The following TCEAL1 variants were observed in gnomAD, a reference collection of about 807,000 sequenced individuals.
TCEAL1 encodes transcription elongation factor A like 1.
For synonymous variants in TCEAL1, 48 were observed against 46.0 expected, an observed-to-expected ratio of 1.04 and a Z score of -0.17; for missense variants, 82 against 125.9, an observed-to-expected ratio of 0.65 and a Z score of 1.67.
chrX:103,629,901 G>A lies in TCEAL1; in HGVS notation c.-16G>A. 8.9e-7 allele frequency: 1 copy of A among 1,123,501 alleles called. No homozygotes were observed. The highest frequency in any genetic ancestry group is 1.2e-6 in the Non-Finnish European group (1 of 853,007). 92.6% of individuals were successfully genotyped at this position (1,123,501 alleles called of 1,213,427 possible). The stretch of plus-strand genomic sequence containing the variant: ...TCTCCTAAGAATAACTGTGCTTGAA[G>A]AAGAAAATTCCCAACATGGACAAAC... On this transcript the variant is annotated 5_prime_UTR_variant, in exon 3 of 3. Coordinates refer to ENST00000372625, the MANE Select transcript of TCEAL1 (RefSeq NM_004780.3).
chrX:103,629,513 G>A lies in TCEAL1; in HGVS notation c.-93G>A. Reference sequence around the variant, plus strand: ...GTGCAGGTCTGCTGGTCACAGCGGGGCACCTCGAGGAGAGGACGACTAGGA... The same window carrying A: ...GTGCAGGTCTGCTGGTCACAGCGGGACACCTCGAGGAGAGGACGACTAGGA... On this transcript the variant is annotated 5_prime_UTR_variant, in exon 2 of 3. Coordinates refer to ENST00000372625, the MANE Select transcript of TCEAL1 (RefSeq NM_004780.3). 1 of 132,024 alleles carries A rather than the reference G, an allele frequency of 7.6e-6. No homozygotes were observed. Among genetic ancestry groups the A allele is most frequent in the Non-Finnish European group, 1.5e-5 (1 of 64,609 alleles). The allele number at this position is 132,024 out of a possible 1,213,427, so 10.9% of individuals were successfully genotyped here. A position where few individuals can be genotyped will look rare whatever the true frequency, so the allele number is the denominator to read the frequency against.
In TCEAL1 at chrX:103,630,482, T is replaced by G; in HGVS notation, c.*86T>G. The G allele has an allele frequency of 1.0e-6, 1 of 997,540 alleles. No individual in the cohort carries two copies. The highest frequency in any genetic ancestry group is 1.3e-6 in the Non-Finnish European group (1 of 756,383). The allele number at this position is 997,540 out of a possible 1,213,427, so 82.2% of individuals were successfully genotyped here. On this transcript the variant is annotated 3_prime_UTR_variant, in exon 3 of 3. Transcript: ENST00000372625. ...TCTGTTTGCATTTTCTTAATGCCTTTTCCCATATTCTGAATTTTAACTTTT... is the reference window on the plus strand; with the variant it reads ...TCTGTTTGCATTTTCTTAATGCCTTGTCCCATATTCTGAATTTTAACTTTT...
chrX:103,629,352 G>C (rs1440270784), intron 1 of TCEAL1, 142 bp from the exon 2 acceptor site: 3 of 111,683 alleles, frequency 2.7e-5, no homozygotes, highest in African/African-American at 6.5e-5. Context: ...TGACGCAGGG[G>C]CTGAGACGAA....
Position 103,629,869 on chromosome X carries a change from T to C in TCEAL1, c.-32-16T>C. The C allele has an allele frequency of 1.8e-6, 2 of 1,103,348 alleles. No individual in the cohort carries two copies. The highest frequency in any genetic ancestry group is 2.4e-6 in the Non-Finnish European group (2 of 843,210). The allele number at this position is 1,103,348 out of a possible 1,213,427, so 90.9% of individuals were successfully genotyped here. On this transcript the variant is annotated splice_polypyrimidine_tract_variant and intron_variant, in intron 2 of 2. Coordinates refer to ENST00000372625, the MANE Select transcript of TCEAL1 (RefSeq NM_004780.3). ...CTTAGTATTCTGACTCTATTCTGCCTTTCTTGTCTCCTAAGAATAACTGTG... is the reference window on the plus strand; with the variant it reads ...CTTAGTATTCTGACTCTATTCTGCCCTTCTTGTCTCCTAAGAATAACTGTG...
intron 1 of TCEAL1, among the ~76,000 whole-genome samples, 169 bp from the exon 2 acceptor site, chrX:103,629,325 G>A (rs1253689474): frequency 1.8e-5 from 2 of 111,677 alleles, no homozygotes; most frequent in Non-Finnish European, 3.8e-5. Flanking sequence ...GGAGGTGGGA[G>A]CACGGAGGAC....
At chrX:103,629,711 G>A in intron 2 of TCEAL1, 138 bp downstream of exon 2, 1 of 415,015 alleles carries the variant, frequency 2.4e-6, no homozygotes, top group Non-Finnish European at 4.0e-6. Flanking sequence ...CTTTCGGGAA[G>A]GAGGGGGCGA....
intron 1 of TCEAL1, among the ~76,000 whole-genome samples, chrX:103,629,239 A>C (rs1228159645): frequency 9.0e-6 from 1 of 111,629 alleles, no homozygotes; most frequent in Non-Finnish European, 1.9e-5. Context: ...GGGGGTACAG[A>C]CATTTGGAAA....
chrX:103,629,667 G>T, intron 2 of TCEAL1, 94 bp downstream of exon 2: 1 of 372,423 alleles, frequency 2.7e-6, no homozygotes, highest in Non-Finnish European at 4.6e-6. Context: ...CTGCGGGCGA[G>T]GCCTGTAGCA....
rs749537802 is a variant in TCEAL1 at position 103,630,891 on chromosome X, CTG to C, written c.*497_*498del. On this transcript the variant is annotated 3_prime_UTR_variant, in exon 3 of 3. Transcript: ENST00000372625. ...AAAAATCACACAATTTTGAAGAAAA[CTG>C]TCAATCAGCTTATAACGACAATGTG... is the stretch of plus-strand genomic sequence containing the variant. The C allele has an allele frequency of 2.4e-5, 3 of 123,326 alleles. No individual in the cohort carries two copies. Among genetic ancestry groups the C allele is most frequent in the African/African-American group, 9.7e-5 (3 of 30,771 alleles). 10.2% of individuals were successfully genotyped at this position (123,326 alleles called of 1,213,427 possible).
In TCEAL1 at chrX:103,630,407, C is replaced by T. The variant is rs1481120612; in HGVS notation, c.*11C>T. 6 of 1,159,328 alleles carry T rather than the reference C, an allele frequency of 5.2e-6. No homozygotes were observed. The East Asian group carries it at 1.9e-4, about 36-fold the overall frequency. ...CCTTATCCTATTTAATGTGTTCGGC[C>T]TTTAATTCTGTTTTGCCTGCTAATA... On this transcript the variant is annotated 3_prime_UTR_variant, in exon 3 of 3. Transcript: ENST00000372625.
chrX:103,630,245 G>T lies in TCEAL1; in HGVS notation c.329G>T (p.Arg110Leu), dbSNP rs775237143. ...TTTAAAGAAAGGTTGGCTCGTTCTC[G>T]CCCGCAATTTAGAGGGGACATACAT... ...GSFKERLARS[R>L]PQFRGDIHGR... The change falls in exon 3 of 3, where the codon CGC becomes CTC. Residue 110 changes from arginine (R) to leucine (L), a missense_variant. Coordinates refer to ENST00000372625, the MANE Select transcript of TCEAL1 (RefSeq NM_004780.3). 2 of 1,211,974 alleles carry T rather than the reference G, an allele frequency of 1.7e-6. No homozygotes were observed. The highest frequency in any genetic ancestry group is 3.0e-5 in the East Asian group (1 of 33,842).
chrX:103,630,105 C>T lies in TCEAL1; in HGVS notation c.189C>T (p.Leu63=). The T allele has an allele frequency of 8.3e-7, 1 of 1,210,879 alleles. No homozygotes were observed. The highest frequency in any genetic ancestry group is 1.8e-5 in the South Asian group (1 of 56,865). The change falls in exon 3 of 3, where the codon CTC becomes CTT. Residue 63 remains leucine (L), a synonymous_variant. Coordinates refer to ENST00000372625, the MANE Select transcript of TCEAL1 (RefSeq NM_004780.3). ...LLPELLPEML[L]SEERPPQEGL... ...CTGAGCTCCTGCCTGAGATGCTCCT[C>T]TCGGAGGAGCGCCCTCCGCAGGAGG... is the stretch of plus-strand genomic sequence containing the variant.
chrX:103,630,159 G>C lies in TCEAL1; in HGVS notation c.243G>C (p.Gly81=). The change falls in exon 3 of 3, where the codon GGG becomes GGC. Residue 81 remains glycine, a synonymous_variant. Coordinates refer to ENST00000372625, the MANE Select transcript of TCEAL1 (RefSeq NM_004780.3). ...TTTCCAGGAAGGACCTGTTTGAGGG[G>C]CGCCCTCCCATGGAGCAGCCTCCTT... ...EGLSRKDLFE[G]RPPMEQPPCG... 1.7e-6 allele frequency: 2 copies of C among 1,211,958 alleles called. No individual in the cohort carries two copies. Among genetic ancestry groups the C allele is most frequent in the African/African-American group, 1.7e-5 (1 of 57,827 alleles).
Position 103,630,260 on chromosome X carries a change from G to A in TCEAL1, c.344G>A (p.Gly115Glu). 2.5e-6 allele frequency: 3 copies of A among 1,211,979 alleles called. No individual in the cohort carries two copies. Among genetic ancestry groups the A allele is most frequent in the Non-Finnish European group, 3.3e-6 (3 of 895,594 alleles). The change falls in exon 3 of 3, where the codon GGG becomes GAG. Residue 115 changes from glycine (G) to glutamate (E), a missense_variant. Transcript: ENST00000372625. ...RLARSRPQFR[G>E]DIHGRNLSNE... ...GCTCGTTCTCGCCCGCAATTTAGAG[G>A]GGACATACATGGCAGAAATTTAAGC... is the stretch of plus-strand genomic sequence containing the variant.
At position 103,629,992 on chromosome X, in the gene TCEAL1, G is replaced by C; in HGVS notation, c.76G>C (p.Glu26Gln). The C allele has an allele frequency of 8.3e-7, 1 of 1,199,832 alleles. No individual in the cohort carries two copies. The highest frequency in any genetic ancestry group is 1.1e-6 in the Non-Finnish European group (1 of 889,193). ...GACCGATGAGGAGAGGCCTCCGGTG[G>C]AGCACTCTCCCGAAAAGCAGTCCCC... ...PKTDEERPPV[E>Q]HSPEKQSPEE... The change falls in exon 3 of 3, where the codon GAG becomes CAG. Residue 26 changes from glutamate to glutamine, a missense_variant. By Grantham distance (29) the Glu-to-Gln change is conservative (BLOSUM62 2). Transcript: ENST00000372625.
In TCEAL1 at chrX:103,630,009, G is replaced by A; in HGVS notation, c.93G>A (p.Lys31=). 8.3e-7 allele frequency: 1 copy of A among 1,205,845 alleles called. No individual in the cohort carries two copies. Among genetic ancestry groups the A allele is most frequent in the East Asian group, 3.0e-5 (1 of 33,534 alleles). The change falls in exon 3 of 3, where the codon AAG becomes AAA. Residue 31 remains lysine (K), a synonymous_variant. Coordinates refer to ENST00000372625, the MANE Select transcript of TCEAL1 (RefSeq NM_004780.3). ...ERPPVEHSPE[K]QSPEEQSSEE... ...CTCCGGTGGAGCACTCTCCCGAAAA[G>A]CAGTCCCCCGAGGAGCAGTCTTCGG...
In TCEAL1 at chrX:103,630,188, G is replaced by A. The variant is rs1471910741; in HGVS notation, c.272G>A (p.Gly91Glu). 1.7e-6 allele frequency: 2 copies of A among 1,210,263 alleles called. No homozygotes were observed. The highest frequency in any genetic ancestry group is 2.2e-6 in the Non-Finnish European group (2 of 895,223). The change falls in exon 3 of 3, where the codon GGA becomes GAA. Residue 91 changes from glycine (G) to glutamate (E), a missense_variant. By Grantham distance (98) the Gly-to-Glu change is moderately conservative (BLOSUM62 -2). Coordinates refer to ENST00000372625, the MANE Select transcript of TCEAL1 (RefSeq NM_004780.3). ...GRPPMEQPPCGVGKHKLEEGS... is the reference protein window; with the variant it reads ...GRPPMEQPPCEVGKHKLEEGS... ...CCTCCCATGGAGCAGCCTCCTTGTG[G>A]AGTAGGAAAACATAAGCTTGAAGAA...
chrX:103,630,000 T>C lies in TCEAL1; in HGVS notation c.84T>C (p.Ser28=). The C allele has an allele frequency of 8.3e-7, 1 of 1,202,976 alleles. No homozygotes were observed. The highest frequency in any genetic ancestry group is 1.1e-6 in the Non-Finnish European group (1 of 890,998). Residue 28 remains serine (S), a synonymous_variant, in exon 3 of 3, where the codon TCT becomes TCC. Coordinates refer to ENST00000372625, the MANE Select transcript of TCEAL1 (RefSeq NM_004780.3). ...AGGAGAGGCCTCCGGTGGAGCACTC[T>C]CCCGAAAAGCAGTCCCCCGAGGAGC... ...TDEERPPVEH[S]PEKQSPEEQS... is the part of the protein sequence containing the mutation.
chrX:103,630,027 G>A lies in TCEAL1; in HGVS notation c.111G>A (p.Gln37=). 1 of 1,209,504 alleles carries A rather than the reference G, an allele frequency of 8.3e-7. No individual in the cohort carries two copies. Among genetic ancestry groups the A allele is most frequent in the Non-Finnish European group, 1.1e-6 (1 of 894,396 alleles). ...HSPEKQSPEE[Q]SSEEQSSEEE... Reference sequence around the variant, plus strand: ...CCGAAAAGCAGTCCCCCGAGGAGCAGTCTTCGGAGGAGCAGTCCTCGGAGG... The same window carrying A: ...CCGAAAAGCAGTCCCCCGAGGAGCAATCTTCGGAGGAGCAGTCCTCGGAGG... The change falls in exon 3 of 3, where the codon CAG becomes CAA. Residue 37 remains glutamine (Q), a synonymous_variant. Transcript: ENST00000372625.
Sources: gnomAD v4.1 joint callset for allele counts (sites outside exome capture counted in the v4.1 genomes callset) on GRCh38, gnomAD v4.1.1 for gene constraint, MANE v1.5 for transcripts, NCBI Gene and HGNC (gene_info 2026-07-23, HGNC 2026-07-21) for gene names.